The following PFKFB4 variants were observed in gnomAD, a reference collection of about 807,000 sequenced individuals.
PFKFB4 encodes the protein 6-phosphofructo-2-kinase/fructose-2,6-biphosphatase 4.
A neutral mutation model predicts 62.8 loss-of-function variants in PFKFB4; 42 were observed. The observed-to-expected ratio is 0.67, with a 90% confidence interval of 0.52 to 0.86. The LOEUF (loss-of-function observed/expected upper bound fraction) is 0.86, where lower values mean the gene tolerates loss of function less well. Among genes scored for constraint, PFKFB4 ranks in the 40% least tolerant of loss-of-function variants. The probability of loss-of-function intolerance (pLI) is 0.00; values close to 1 mark genes in which losing one functional copy is unlikely to be tolerated. For synonymous variants in PFKFB4, 204 were observed against 240.7 expected (o/e 0.85, Z 1.41); for missense variants, 475 against 627.2 (o/e 0.76, Z 2.59).
In PFKFB4 at chr3:48,525,388, G is replaced by A. The variant is rs138018722; in HGVS notation, c.1092+177C>T. 1.9e-4 allele frequency among the ~76,000 whole-genome samples: 29 copies of A among 152,280 alleles called. No homozygotes were observed. The Middle Eastern group carries it at 0.014, about 71-fold the overall frequency. ...ACACCTGAGGAAGGGACTAAGGCCT[G>A]GGCTGCATAGCTGGGAAGGGGTGGA... On this transcript the variant is annotated intron_variant, in intron 10 of 13. Coordinates refer to ENST00000232375, the MANE Select transcript of PFKFB4 (RefSeq NM_004567.4).
At chr3:48,563,037 G>A (rs2043461908), upstream of PFKFB4, 1 of 1,611,966 alleles carries the variant, frequency 6.2e-7, no homozygotes. The surrounding 1 kb of genome is among the most constrained non-coding windows in gnomAD (Gnocchi z 4.5). Flanking sequence ...TGAGGGCGGA[G>A]CTGGAAGGTT....
upstream of PFKFB4, among the ~76,000 whole-genome samples, chr3:48,557,593 A>G (rs2043362377): frequency 6.6e-6 from 1 of 151,880 alleles, no homozygotes; most frequent in Admixed American, 6.6e-5. Flanking sequence ...CTGGAGTGCA[A>G]TGGCGCTATC....
In PFKFB4 at chr3:48,519,580, A is replaced by G. The variant is rs1205741990; in HGVS notation, c.*167T>C. The G allele has an allele frequency of 4.9e-6, 3 of 611,174 alleles. No individual in the cohort carries two copies. The South Asian group carries it at 5.9e-5, about 12-fold the overall frequency. 37.9% of individuals were successfully genotyped at this position (611,174 alleles called of 1,614,324 possible). On this transcript the variant is annotated 3_prime_UTR_variant, in exon 14 of 14. Transcript: ENST00000232375. Reference sequence around the variant, plus strand: ...CGCACAACCTTGTCGCCGACTGTCAACAAAGAGCCAGGTGGGCTGGGGTGG... The same window carrying G: ...CGCACAACCTTGTCGCCGACTGTCAGCAAAGAGCCAGGTGGGCTGGGGTGG...
chr3:48,552,096 C>CT (rs983441242), intron 1 of PFKFB4, among the ~76,000 whole-genome samples: 27 of 152,330 alleles, frequency 1.8e-4, no homozygotes, highest in Middle Eastern at 3.4e-3. Flanking sequence ...GATCAGGAGT[C>CT]AGGCCTGGGT....
At chr3:48,559,300 A>C (rs2043395570), upstream of PFKFB4, among the ~76,000 whole-genome samples, 2 of 152,188 alleles carry the variant, frequency 1.3e-5, no homozygotes, top group Non-Finnish European at 2.9e-5. Context: ...TTCCTCCCCA[A>C]GGCCACCGTC....
chr3:48,532,077 C>T (rs916011801), intron 9 of PFKFB4, among the ~76,000 whole-genome samples: 32 of 152,120 alleles, frequency 2.1e-4, no homozygotes, highest in African/African-American at 6.3e-4. Flanking sequence ...GAGGCCGAGG[C>T]GGGTGGATTG....
At chr3:48,553,472 C>CA (rs796987964) in intron 1 of PFKFB4, among the ~76,000 whole-genome samples, 294 of 133,608 alleles carry the variant, frequency 2.2e-3, no homozygotes, top group African/African-American at 5.2e-3. Context: ...AGACTGTCTC[C>CA]AAAAAAAAAA....
intron 4 of PFKFB4, 38 bp from the exon 5 acceptor site, chr3:48,539,809 G>C: frequency 6.5e-7 from 1 of 1,531,382 alleles, no homozygotes; most frequent in Non-Finnish European, 9.1e-7. Flanking sequence ...CTCTGGCCCT[G>C]GGGAAGGAAG....
chr3:48,532,735 C>G (rs1367215762), intron 9 of PFKFB4, among the ~76,000 whole-genome samples: 2 of 152,034 alleles, frequency 1.3e-5, no homozygotes, highest in Non-Finnish European at 2.9e-5. Flanking sequence ...ACTTGTTAGT[C>G]CCAGCTACTA....
chr3:48,562,923 G>T (rs771863692), upstream of PFKFB4: 3 of 1,605,336 alleles, frequency 1.9e-6, no homozygotes, highest in Non-Finnish European at 2.6e-6. This position sits in a 1 kb window ranked among gnomAD's most constrained non-coding sequence, Gnocchi z 4.3. Flanking sequence ...CGCGAGCCAG[G>T]GTGGCGGGTG....
At chr3:48,558,708 A>G (rs1043801154), upstream of PFKFB4, among the ~76,000 whole-genome samples, 1 of 152,088 alleles carries the variant, frequency 6.6e-6, no homozygotes, top group Non-Finnish European at 1.5e-5. Context: ...AGAGTCAACA[A>G]CTTCCTCCTT....
chr3:48,542,755 G>A lies in PFKFB4; in HGVS notation c.378+825C>T, dbSNP rs141935408. Among the ~76,000 whole-genome samples, 504 of 152,246 alleles carry A rather than the reference G, an allele frequency of 3.3e-3. 2 individuals carry two copies. Among genetic ancestry groups the A allele is most frequent in the African/African-American group, 0.012 (483 of 41,546 alleles). On this transcript the variant is annotated intron_variant, in intron 4 of 13. Transcript: ENST00000232375. ...ACTAGAAGCCATAAGACATCAGAGT[G>A]ATGTTGTAGAAGTTCTAAGGGAAAA... is the stretch of plus-strand genomic sequence containing the variant.
At chr3:48,552,699 G>A (rs1369392806) in intron 1 of PFKFB4, among the ~76,000 whole-genome samples, 3 of 152,174 alleles carry the variant, frequency 2.0e-5, no homozygotes, top group Non-Finnish European at 4.4e-5. Flanking sequence ...CCGCTGATGG[G>A]GCCACCCCCC....
chr3:48,550,365 TC>T (rs1305723519), intron 1 of PFKFB4, 131 bp from the exon 2 acceptor site: 2 of 671,008 alleles, frequency 3.0e-6, no homozygotes, highest in Non-Finnish European at 5.4e-6. Flanking sequence ...CTTCCTAGCA[TC>T]CCCACACAGC....
chr3:48,532,868 C>T (rs2042471173), intron 9 of PFKFB4, among the ~76,000 whole-genome samples: 1 of 152,046 alleles, frequency 6.6e-6, no homozygotes, highest in South Asian at 2.1e-4. Flanking sequence ...AACTCTTGCA[C>T]AAGCTACAAC....
chr3:48,562,627 C>T (rs1490311907), upstream of PFKFB4: 1 of 691,820 alleles, frequency 1.4e-6, no homozygotes, highest in Non-Finnish European at 2.4e-6. This position sits in a 1 kb window ranked among gnomAD's most constrained non-coding sequence, Gnocchi z 4.3. Context: ...ACCTGCATGA[C>T]AGTGGCTCCA....
At chr3:48,543,254 C>T (rs2042851259) in intron 4 of PFKFB4, among the ~76,000 whole-genome samples, 4 of 152,154 alleles carry the variant, frequency 2.6e-5, no homozygotes, top group Admixed American at 1.3e-4. Flanking sequence ...CAGGATTCTC[C>T]CCACACCAGG....
chr3:48,539,929 T>C lies in PFKFB4; in HGVS notation c.379-158A>G, dbSNP rs113570854. ...GCCAGGTCCACCTGCCTGGCCAGTC[T>C]CCTCCAGACTTGCAACGGCTGGGCT... is the stretch of plus-strand genomic sequence containing the variant. On this transcript the variant is annotated intron_variant, in intron 4 of 13. Coordinates refer to ENST00000232375, the MANE Select transcript of PFKFB4 (RefSeq NM_004567.4). 2.3e-3 allele frequency among the ~76,000 whole-genome samples: 352 copies of C among 152,186 alleles called. 2 individuals carry two copies. The Middle Eastern group carries it at 0.048, about 21-fold the overall frequency.
intron 1 of PFKFB4, among the ~76,000 whole-genome samples, chr3:48,555,867 G>C (rs2043299760): frequency 6.6e-6 from 1 of 151,848 alleles, no homozygotes; most frequent in African/African-American, 2.4e-5. Flanking sequence ...TCGCGCCACT[G>C]CACTTGCTCC....
Sources: allele counts gnomAD v4.1 joint callset (sites outside exome capture counted in the v4.1 genomes callset), GRCh38; gene constraint gnomAD v4.1.1; non-coding constraint Gnocchi (gnomAD v3.1); transcripts MANE v1.5; gene names NCBI Gene and HGNC (gene_info 2026-07-23, HGNC 2026-07-21).